Variants in FBXL17 observed in about 807,000 individuals in gnomAD.
FBXL17 encodes F-box/LRR-repeat protein 17.
FBXL17 carries 22 observed loss-of-function variants against 66.2 expected under a neutral mutation model. That is an observed-to-expected ratio of 0.33 (90% CI 0.24 to 0.47). The LOEUF (loss-of-function observed/expected upper bound fraction) is 0.47, where lower values mean the gene tolerates loss of function less well. FBXL17 is among the 20% of genes least tolerant of loss of function. The pLI is 1.00. For synonymous variants in FBXL17, 474 were observed against 400.5 expected (o/e 1.18, Z -2.19); for missense variants, 878 against 948.2 (o/e 0.93, Z 0.97).
rs190196698 is a variant in FBXL17 at position 108,252,466 on chromosome 5, C to A, written c.1507-28238G>T. On this transcript the variant is annotated intron_variant, in intron 4 of 8. Coordinates refer to ENST00000542267, the MANE Select transcript of FBXL17 (RefSeq NM_001163315.3). The stretch of plus-strand genomic sequence containing the variant: ...CTATGTTGTTTAAAAAAAAAAGAAA[C>A]TAATTCTGAAAAACCAGAATTCTCT... Among the ~76,000 whole-genome samples the A allele has an allele frequency of 2.8e-3, 424 of 152,066 alleles. 2 individuals carry two copies. Among genetic ancestry groups the A allele is most frequent in the African/African-American group, 9.4e-3 (392 of 41,532 alleles).
intron 6 of FBXL17, among the ~76,000 whole-genome samples, chr5:108,033,602 C>T (rs73778642): frequency 0.045 from 6,875 of 152,102 alleles, 531 homozygotes; most frequent in African/African-American, 0.16. Context: ...GAGTAAAAAC[C>T]TAAAAGTGAA....
chr5:107,869,109 C>G (rs951323262), intron 8 of FBXL17, among the ~76,000 whole-genome samples: 2 of 152,194 alleles, frequency 1.3e-5, no homozygotes, highest in African/African-American at 4.8e-5. Context: ...GCGCCTGCCT[C>G]CTAATTCAGG....
intron 7 of FBXL17, among the ~76,000 whole-genome samples, chr5:107,922,744 G>A (rs187767514): frequency 6.6e-6 from 1 of 152,166 alleles, no homozygotes; most frequent in South Asian, 2.1e-4. Context: ...CCAGAGTGAG[G>A]TTAATATAAC....
At chr5:108,360,993 C>T (rs1374268589) in intron 3 of FBXL17, among the ~76,000 whole-genome samples, 3 of 152,028 alleles carry the variant, frequency 2.0e-5, no homozygotes, top group Non-Finnish European at 4.4e-5. Flanking sequence ...TAATTTCCTT[C>T]ATTTCTTTGG....
At chr5:108,054,117 G>T (rs1747591635) in intron 6 of FBXL17, among the ~76,000 whole-genome samples, 1 of 152,086 alleles carries the variant, frequency 6.6e-6, no homozygotes, top group African/African-American at 2.4e-5. Flanking sequence ...GTTGCGGGGT[G>T]TGGGGAGAGG....
intron 4 of FBXL17, among the ~76,000 whole-genome samples, chr5:108,336,727 T>A (rs1014540531): frequency 2.0e-5 from 3 of 152,166 alleles, no homozygotes; most frequent in Non-Finnish European, 4.4e-5. Context: ...AACACACTTA[T>A]TTGGGACTTT....
At chr5:108,098,358 C>A (rs1194134595) in intron 6 of FBXL17, among the ~76,000 whole-genome samples, 2 of 152,070 alleles carry the variant, frequency 1.3e-5, no homozygotes, top group African/African-American at 4.8e-5. Flanking sequence ...CAGAGTGAGA[C>A]CCCGTCTGAA....
In FBXL17 at chr5:108,161,347, G is replaced by A. The variant is rs759117110; in HGVS notation, c.1745+24770C>T. On this transcript the variant is annotated intron_variant, in intron 6 of 8. Transcript: ENST00000542267. ...AAATACAAAAAAAAATTAGCCAAGC[G>A]TAGCAGTGTGTGCCTGTAGTCCCAG... Among the ~76,000 whole-genome samples, 13 of 152,086 alleles carry A rather than the reference G, an allele frequency of 8.5e-5. No homozygotes were observed. In the East Asian group the frequency reaches 9.7e-4, roughly 11 times the overall value.
rs186743414 is a variant in FBXL17 at position 108,060,448 on chromosome 5, T to C, written c.1746-39447A>G. On this transcript the variant is annotated intron_variant, in intron 6 of 8. Coordinates refer to ENST00000542267, the MANE Select transcript of FBXL17 (RefSeq NM_001163315.3). ...ATCTCAAATTAGTACATGGGACATA[T>C]AGCACTTTTTGATATATTTTTTACA... is the stretch of plus-strand genomic sequence containing the variant. Among the ~76,000 whole-genome samples the C allele has an allele frequency of 3.0e-3, 456 of 152,270 alleles. 2 individuals carry two copies. Among genetic ancestry groups the C allele is most frequent in the Middle Eastern group, 0.014 (4 of 294 alleles).
At chr5:108,305,483 AG>A (rs1237408812) in intron 4 of FBXL17, among the ~76,000 whole-genome samples, 3 of 151,864 alleles carry the variant, frequency 2.0e-5, no homozygotes, top group Non-Finnish European at 4.4e-5. Context: ...GAAAAGTTGA[AG>A]GGGGAAAAAA....
chr5:108,332,877 G>A (rs1317608867), intron 4 of FBXL17, among the ~76,000 whole-genome samples: 1 of 142,484 alleles, frequency 7.0e-6, no homozygotes, highest in Non-Finnish European at 1.5e-5. Context: ...CAAAGTGCTG[G>A]GATTACAGGC....
At chr5:107,972,670 T>C (rs566055699) in intron 7 of FBXL17, among the ~76,000 whole-genome samples, 2 of 152,190 alleles carry the variant, frequency 1.3e-5, no homozygotes, top group Non-Finnish European at 2.9e-5. Context: ...ATAAGTATAC[T>C]ATAAGACAGT....
chr5:107,893,803 A>C (rs574743499), intron 7 of FBXL17, among the ~76,000 whole-genome samples: 1 of 152,282 alleles, frequency 6.6e-6, no homozygotes, highest in African/African-American at 2.4e-5. Context: ...TTGCGACATA[A>C]ACCATATAAC....
At chr5:108,157,440 T>C (rs1472122814) in intron 6 of FBXL17, among the ~76,000 whole-genome samples, 1 of 151,856 alleles carries the variant, frequency 6.6e-6, no homozygotes, top group African/African-American at 2.4e-5. Context: ...TACAGGAAGG[T>C]TCGTTTTTTT....
At chr5:108,192,863 A>G (rs1753525146) in intron 5 of FBXL17, among the ~76,000 whole-genome samples, 1 of 152,138 alleles carries the variant, frequency 6.6e-6, no homozygotes, top group Non-Finnish European at 1.5e-5. Flanking sequence ...AGACCCTACA[A>G]AAGTTAAAAA....
intron 4 of FBXL17, among the ~76,000 whole-genome samples, chr5:108,326,262 T>TA (rs1400919293): frequency 9.2e-5 from 14 of 151,900 alleles, no homozygotes; most frequent in African/African-American, 3.1e-4. Flanking sequence ...ATAGAACTCT[T>TA]ATAACATGTA....
chr5:108,193,121 A>G (rs1753536506), intron 5 of FBXL17, among the ~76,000 whole-genome samples: 1 of 152,196 alleles, frequency 6.6e-6, no homozygotes, highest in East Asian at 1.9e-4. Context: ...ACTTTATTGG[A>G]CCAGGTTTCT....
intron 6 of FBXL17, among the ~76,000 whole-genome samples, chr5:108,035,272 ATC>A (rs930538462): frequency 5.6e-4 from 85 of 152,346 alleles, no homozygotes; most frequent in African/African-American, 2.0e-3. Flanking sequence ...GAGTTTAAAA[ATC>A]TCTCATAATA....
intron 6 of FBXL17, among the ~76,000 whole-genome samples, chr5:108,078,155 G>A (rs1017942095): frequency 6.6e-5 from 10 of 152,062 alleles, no homozygotes; most frequent in Admixed American, 3.9e-4. Context: ...TACAGGCCTC[G>A]CCCATCTGCA....
Sources: gnomAD v4.1 joint callset for allele counts (sites outside exome capture counted in the v4.1 genomes callset) on GRCh38, gnomAD v4.1.1 for gene constraint, MANE v1.5 for transcripts, NCBI Gene and HGNC (gene_info 2026-07-23, HGNC 2026-07-21) for gene names.